ENTHD1: variants seen among roughly 807,000 people sequenced by gnomAD.
ENTHD1 encodes the protein ENTH domain-containing protein 1.
A neutral mutation model predicts 39.1 loss-of-function variants in ENTHD1; 23 were observed. The ratio of observed to expected loss-of-function variants is 0.59; its 90% CI spans 0.42 to 0.83. The LOEUF is 0.83. Ranked by LOEUF, ENTHD1 falls within the 40% of genes least tolerant of loss-of-function variation. The pLI, the probability that ENTHD1 is intolerant of heterozygous loss-of-function variation, is 0.00. For synonymous variants in ENTHD1, 230 were observed against 258.2 expected (o/e 0.89, Z 1.05); for missense variants, 624 against 705.4 (o/e 0.88, Z 1.31).
At chr22:39,840,942 C>G (rs1379225443) in intron 3 of ENTHD1, among the ~76,000 whole-genome samples, 19 of 152,042 alleles carry the variant, frequency 1.2e-4, no homozygotes, top group Admixed American at 1.2e-3. Flanking sequence ...TTAGTAGAGA[C>G]AGGGTTTCAC....
At chr22:39,761,440 T>C (rs773336235) in intron 6 of ENTHD1, among the ~76,000 whole-genome samples, 10 of 152,178 alleles carry the variant, frequency 6.6e-5, no homozygotes, top group Admixed American at 3.3e-4. Flanking sequence ...TTGAAATTCA[T>C]TGGGCATTTT....
chr22:39,798,006 A>G (rs2065564892), intron 5 of ENTHD1, among the ~76,000 whole-genome samples: 1 of 152,108 alleles, frequency 6.6e-6, no homozygotes, highest in Non-Finnish European at 1.5e-5. Flanking sequence ...TTCAGCTATT[A>G]TTTTGTTAAA....
chr22:39,880,760 A>C (rs543936694), intron 2 of ENTHD1, among the ~76,000 whole-genome samples: 1 of 152,338 alleles, frequency 6.6e-6, no homozygotes, highest in African/African-American at 2.4e-5. Flanking sequence ...TGCTATATGT[A>C]ACTGGTTAAA....
intron 2 of ENTHD1, among the ~76,000 whole-genome samples, chr22:39,872,655 A>C (rs1172822847): frequency 6.6e-6 from 1 of 152,224 alleles, no homozygotes. Flanking sequence ...ATAGGTAGGC[A>C]ACTGGTATGA....
At chr22:39,769,672 G>C (rs2065306731) in intron 5 of ENTHD1, among the ~76,000 whole-genome samples, 1 of 152,122 alleles carries the variant, frequency 6.6e-6, no homozygotes, top group South Asian at 2.1e-4. Context: ...GGAAGGCCAA[G>C]AGAGTATGGG....
chr22:39,862,087 T>C, intron 2 of ENTHD1, 80 bp from the exon 3 acceptor site: 1 of 1,200,874 alleles, frequency 8.3e-7, no homozygotes, highest in Non-Finnish European at 1.1e-6. Flanking sequence ...AGAAATTTTT[T>C]TAAAAATAAA....
intron 2 of ENTHD1, among the ~76,000 whole-genome samples, chr22:39,871,768 T>G (rs2066245881): frequency 6.6e-6 from 1 of 152,212 alleles, no homozygotes; most frequent in Non-Finnish European, 1.5e-5. Flanking sequence ...TTACATTTGT[T>G]GAAAAGGAAC....
intron 2 of ENTHD1, among the ~76,000 whole-genome samples, chr22:39,873,387 A>T (rs771084048): frequency 2.0e-5 from 3 of 152,192 alleles, no homozygotes; most frequent in African/African-American, 4.8e-5. Context: ...ATATTTGATT[A>T]GATATTTTTC....
At chr22:39,880,648 C>T (rs1173627177) in intron 2 of ENTHD1, among the ~76,000 whole-genome samples, 2 of 152,122 alleles carry the variant, frequency 1.3e-5, no homozygotes, top group Non-Finnish European at 2.9e-5. Context: ...CTCTAAAAAA[C>T]GAAGTTTATT....
chr22:39,848,902 C>A (rs951827386), intron 3 of ENTHD1, among the ~76,000 whole-genome samples: 1 of 152,104 alleles, frequency 6.6e-6, no homozygotes, highest in Admixed American at 6.5e-5. Context: ...AGGTTAGAGA[C>A]CTCATTTCAT....
chr22:39,856,868 AGAAAG>A lies in ENTHD1; in HGVS notation c.592+4892_592+4896del, dbSNP rs1225430831. 3.4e-5 allele frequency among the ~76,000 whole-genome samples: 5 copies of A among 147,572 alleles called. 1 individual carries two copies. Among genetic ancestry groups the A allele is most frequent in the African/African-American group, 5.0e-5 (2 of 40,354 alleles). On this transcript the variant is annotated intron_variant, in intron 3 of 6. Transcript: ENST00000325157. The stretch of plus-strand genomic sequence containing the variant: ...ACCCTGTCTCAAAAAAAAAAAAAAA[AGAAAG>A]AAAGAAAAGGAAAAGAAAAAGCACA...
chr22:39,801,853 A>G (rs2065601069), intron 5 of ENTHD1, among the ~76,000 whole-genome samples: 1 of 152,192 alleles, frequency 6.6e-6, no homozygotes, highest in African/African-American at 2.4e-5. Flanking sequence ...TAAATTGCAC[A>G]GCAGACATAC....
chr22:39,835,621 C>T (rs1038778174), intron 4 of ENTHD1, among the ~76,000 whole-genome samples: 2 of 152,056 alleles, frequency 1.3e-5, no homozygotes, highest in Non-Finnish European at 2.9e-5. Context: ...TCTTGGAACA[C>T]ATGAAGCTGC....
At chr22:39,888,054 G>A (rs1286851851) in intron 1 of ENTHD1, among the ~76,000 whole-genome samples, 151 bp from the exon 2 acceptor site, 1 of 152,006 alleles carries the variant, frequency 6.6e-6, no homozygotes, top group Non-Finnish European at 1.5e-5. Flanking sequence ...TCCTAGGATA[G>A]GCATGGGAAA....
intron 6 of ENTHD1, 67 bp from the exon 7 acceptor site, chr22:39,744,350 T>C: frequency 7.1e-7 from 1 of 1,407,342 alleles, no homozygotes; most frequent in East Asian, 2.3e-5. Context: ...GCTAAAATAA[T>C]TTTATAATGT....
chr22:39,778,014 A>G (rs1016549055), intron 5 of ENTHD1, among the ~76,000 whole-genome samples: 2 of 152,230 alleles, frequency 1.3e-5, no homozygotes, highest in African/African-American at 4.8e-5. Flanking sequence ...TGTGGCCATC[A>G]GGCAATGACA....
At chr22:39,797,731 T>C (rs2065562460) in intron 5 of ENTHD1, among the ~76,000 whole-genome samples, 1 of 152,172 alleles carries the variant, frequency 6.6e-6, no homozygotes, top group African/African-American at 2.4e-5. Context: ...TGGAAAGTTT[T>C]TTTCTTTTAT....
At chr22:39,845,896 G>A (rs1242507435) in intron 3 of ENTHD1, among the ~76,000 whole-genome samples, 4 of 150,956 alleles carry the variant, frequency 2.6e-5, no homozygotes, top group Non-Finnish European at 5.9e-5. Context: ...CTTTTACATG[G>A]TGTTTTTTTT....
chr22:39,824,971 A>G (rs554197887), intron 4 of ENTHD1, among the ~76,000 whole-genome samples: 2 of 152,236 alleles, frequency 1.3e-5, no homozygotes, highest in Non-Finnish European at 2.9e-5. Context: ...TGGGATTTTA[A>G]TAGGAATTAC....
Sources: allele counts gnomAD v4.1 joint callset (sites outside exome capture counted in the v4.1 genomes callset), GRCh38; gene constraint gnomAD v4.1.1; transcripts MANE v1.5; gene names NCBI Gene and HGNC (gene_info 2026-07-23, HGNC 2026-07-21).